Variants in ANO6 observed in about 807,000 individuals in gnomAD.
ANO6 encodes anoctamin 6, also known as anoctamin-6.
In ANO6, 106 loss-of-function variants were observed where a neutral mutation model predicts 117.5. The observed-to-expected ratio is 0.90, with a 90% CI of 0.77 to 1.06. ANO6 has a LOEUF of 1.06. ANO6 is among the 50% of genes least tolerant of loss of function. The pLI, the probability that ANO6 is intolerant of heterozygous loss-of-function variation, is 0.00. For synonymous variants in ANO6, 367 were observed against 385.1 expected (o/e 0.95, Z 0.55); for missense variants, 955 against 1,121.1 (o/e 0.85, Z 2.12).
At chr12:45,380,287 A>G (rs1942136307) in intron 10 of ANO6, among the ~76,000 whole-genome samples, 1 of 152,214 alleles carries the variant, frequency 6.6e-6, no homozygotes, top group Non-Finnish European at 1.5e-5. Flanking sequence ...TCCTTGTTGC[A>G]TCTTGCCTAC....
At position 45,352,560 on chromosome 12, in the gene ANO6, T is replaced by TAA. The variant is rs5797940; in HGVS notation, c.863+1807_863+1808dup. Among the ~76,000 whole-genome samples, 351 of 93,872 alleles carry TAA rather than the reference T, an allele frequency of 3.7e-3. 2 individuals carry two copies. The highest frequency in any genetic ancestry group is 0.014 in the African/African-American group (330 of 23,018). 61.6% of individuals were successfully genotyped at this position (93,872 alleles called of 152,430 possible). Reference sequence around the variant, plus strand: ...TGAGCAGCATAGTGAGATCCAGTCTTAAAAAAAAAAAAAAAAAAAAAAGCC... The same window carrying TAA: ...TGAGCAGCATAGTGAGATCCAGTCTTAAAAAAAAAAAAAAAAAAAAAAAAGCC... On this transcript the variant is annotated intron_variant, in intron 7 of 19. Transcript: ENST00000320560.
intron 1 of ANO6, among the ~76,000 whole-genome samples, chr12:45,264,396 CCT>C (rs1203954299): frequency 3.3e-5 from 5 of 152,134 alleles, no homozygotes; most frequent in African/African-American, 1.2e-4. Context: ...TTCATCTTGG[CCT>C]CTTTGTTTCT....
intron 3 of ANO6, among the ~76,000 whole-genome samples, chr12:45,340,010 G>A (rs924943712): frequency 5.3e-5 from 8 of 151,974 alleles, no homozygotes; most frequent in African/African-American, 1.9e-4. Context: ...GAAAAAGGTG[G>A]GTAATAGAAA....
chr12:45,366,736 T>C (rs1160429448), intron 8 of ANO6, among the ~76,000 whole-genome samples: 2 of 152,224 alleles, frequency 1.3e-5, no homozygotes, highest in Non-Finnish European at 2.9e-5. Context: ...ATTGTGAATA[T>C]GGTAGTGTAG....
At chr12:45,293,589 T>C (rs1939178897) in intron 1 of ANO6, among the ~76,000 whole-genome samples, 1 of 151,962 alleles carries the variant, frequency 6.6e-6, no homozygotes, top group South Asian at 2.1e-4. Flanking sequence ...TTTGAGACAG[T>C]CTCGCTCTGT....
In ANO6 at chr12:45,386,458, G is replaced by A. The variant is rs577971238; in HGVS notation, c.1166-1703G>A. Reference sequence around the variant, plus strand: ...GAATGCCACTAGAATTTAGGATATTGCCTAAGTCAGAAACCTGGCTAGCAT... The same window carrying A: ...GAATGCCACTAGAATTTAGGATATTACCTAAGTCAGAAACCTGGCTAGCAT... On this transcript the variant is annotated intron_variant, in intron 10 of 19. Coordinates refer to ENST00000320560, the MANE Select transcript of ANO6 (RefSeq NM_001025356.3). Among the ~76,000 whole-genome samples the A allele has an allele frequency of 4.6e-5, 7 of 152,252 alleles. No individual in the cohort carries two copies. The East Asian group carries it at 1.4e-3, about 29-fold the overall frequency.
At chr12:45,367,548 A>G in intron 8 of ANO6, 140 bp from the exon 9 acceptor site, 1 of 649,724 alleles carries the variant, frequency 1.5e-6, no homozygotes, top group South Asian at 2.1e-5. Context: ...TTATGTAACA[A>G]AGTTTTATGT....
intron 1 of ANO6, among the ~76,000 whole-genome samples, chr12:45,260,424 C>G (rs2137209076): frequency 6.6e-6 from 1 of 152,318 alleles, no homozygotes; most frequent in South Asian, 2.1e-4. Context: ...CAGACTCGAT[C>G]AGCTTGCTAA....
At chr12:45,418,389 T>C (rs1943268177) in intron 17 of ANO6, among the ~76,000 whole-genome samples, 1 of 152,188 alleles carries the variant, frequency 6.6e-6, no homozygotes, top group African/African-American at 2.4e-5. Flanking sequence ...CAACATCTAC[T>C]GTGCTGCAAA....
intron 9 of ANO6, among the ~76,000 whole-genome samples, chr12:45,375,824 G>A (rs1350938353): frequency 6.7e-6 from 1 of 150,106 alleles, no homozygotes; most frequent in African/African-American, 2.4e-5. Context: ...AACACCAAAA[G>A]CAATGGCAAC....
intron 11 of ANO6, among the ~76,000 whole-genome samples, chr12:45,389,228 G>A (rs1012985314): frequency 2.0e-5 from 3 of 152,154 alleles, no homozygotes; most frequent in African/African-American, 7.2e-5. Context: ...AAAAAACGAG[G>A]TTCAATTACC....
At chr12:45,342,879 A>G (rs567234753) in intron 3 of ANO6, among the ~76,000 whole-genome samples, 1 of 152,156 alleles carries the variant, frequency 6.6e-6, no homozygotes, top group Non-Finnish European at 1.5e-5. Context: ...AGTAAGAGCA[A>G]TGAAGAGAAA....
At chr12:45,297,177 T>G (rs578061834) in intron 1 of ANO6, among the ~76,000 whole-genome samples, 5 of 152,156 alleles carry the variant, frequency 3.3e-5, no homozygotes, top group Non-Finnish European at 7.4e-5. Flanking sequence ...TTACTTGCTC[T>G]CTCTCTATAT....
intron 2 of ANO6, among the ~76,000 whole-genome samples, chr12:45,314,985 G>A (rs1374470952): frequency 6.6e-6 from 1 of 152,064 alleles, no homozygotes; most frequent in Admixed American, 6.6e-5. Context: ...TGAGCCTAGA[G>A]TTGATCTTGG....
At chr12:45,394,988 T>C (rs758417503) in intron 12 of ANO6, among the ~76,000 whole-genome samples, 3 of 151,902 alleles carry the variant, frequency 2.0e-5, no homozygotes, top group Non-Finnish European at 4.4e-5. Flanking sequence ...AAGAAATAAC[T>C]AAGAGCAGAA....
At chr12:45,435,896 T>G (rs891950367), downstream of ANO6, among the ~76,000 whole-genome samples, 9 of 152,194 alleles carry the variant, frequency 5.9e-5, no homozygotes, top group African/African-American at 2.2e-4. Flanking sequence ...AGAAACTGAA[T>G]ATACAAATGG....
At chr12:45,263,215 T>TAAAAAATAGA (rs1163017806) in intron 1 of ANO6, among the ~76,000 whole-genome samples, 1 of 151,984 alleles carries the variant, frequency 6.6e-6, no homozygotes. Context: ...CAAGATGTTC[T>TAAAAAATAGA]ATTTTTTATC....
At chr12:45,320,205 G>A (rs1463548339) in intron 2 of ANO6, among the ~76,000 whole-genome samples, 5 of 152,028 alleles carry the variant, frequency 3.3e-5, no homozygotes, top group African/African-American at 1.2e-4. Flanking sequence ...TTTTAATTGT[G>A]ATGTTAGGGT....
intron 1 of ANO6, among the ~76,000 whole-genome samples, chr12:45,275,246 T>C (rs1220171800): frequency 1.3e-5 from 2 of 152,208 alleles, no homozygotes; most frequent in Non-Finnish European, 2.9e-5. Flanking sequence ...AATCTTGCTC[T>C]GTCGCCCAGG....
Sources: gnomAD v4.1 joint callset for allele counts (sites outside exome capture counted in the v4.1 genomes callset) on GRCh38, gnomAD v4.1.1 for gene constraint, MANE v1.5 for transcripts, NCBI Gene and HGNC (gene_info 2026-07-23, HGNC 2026-07-21) for gene names.